Variants in FAM114A1 observed in about 807,000 individuals in gnomAD.
FAM114A1 encodes family with sequence similarity 114 member A1, also known as protein NOXP20.
A neutral mutation model predicts 64.3 loss-of-function variants in FAM114A1; 62 were observed. The ratio of observed to expected loss-of-function variants is 0.96; its 90% CI spans 0.79 to 1.19. FAM114A1 has a LOEUF of 1.19. FAM114A1 is among the 50% of genes most tolerant of loss of function. The probability of loss-of-function intolerance (pLI) is 0.00; values close to 1 mark genes in which losing one functional copy is unlikely to be tolerated. For missense variants in FAM114A1, 645 were observed against 676.3 expected (o/e 0.95, Z 0.51); for synonymous variants, 254 against 251.1 (o/e 1.01, Z -0.11).
At chr4:38,923,194 G>C (rs1321936831) in intron 9 of FAM114A1, among the ~76,000 whole-genome samples, 1 of 151,096 alleles carries the variant, frequency 6.6e-6, no homozygotes, top group African/African-American at 2.4e-5. Context: ...GTGCTAAGCA[G>C]AGCCCTGATG....
At chr4:38,886,198 GTC>G (rs1349639816) in intron 3 of FAM114A1, among the ~76,000 whole-genome samples, 1 of 148,334 alleles carries the variant, frequency 6.7e-6, no homozygotes, top group African/African-American at 2.5e-5. Context: ...TTGAGACAGA[GTC>G]TCACTCTGCC....
chr4:38,871,014 A>G (rs1714009967), intron 2 of FAM114A1, among the ~76,000 whole-genome samples: 1 of 152,038 alleles, frequency 6.6e-6, no homozygotes, highest in South Asian at 2.1e-4. Context: ...GTAGAGATAA[A>G]TATGGATTAG....
chr4:38,886,638 G>A (rs1018720665), intron 3 of FAM114A1, among the ~76,000 whole-genome samples: 7 of 151,858 alleles, frequency 4.6e-5, no homozygotes, highest in Admixed American at 2.0e-4. Context: ...GTATAGAAAT[G>A]TAGCCTGGGC....
intron 4 of FAM114A1, among the ~76,000 whole-genome samples, chr4:38,905,189 G>A (rs1443461819): frequency 2.6e-5 from 4 of 152,100 alleles, no homozygotes; most frequent in Non-Finnish European, 5.9e-5. Context: ...CTGAGGTCAG[G>A]AGTTCAAGAC....
chr4:38,900,053 A>G (rs1355734928), intron 4 of FAM114A1, among the ~76,000 whole-genome samples: 2 of 152,100 alleles, frequency 1.3e-5, no homozygotes, highest in Non-Finnish European at 2.9e-5. Context: ...GGACTTGCTA[A>G]TATTATGAAA....
At chr4:38,941,076 C>T (rs201707196) in intron 14 of FAM114A1, 55 bp downstream of exon 14, 24 of 1,235,982 alleles carry the variant, frequency 1.9e-5, no homozygotes, top group Admixed American at 5.0e-5. Flanking sequence ...GTTAGAACTA[C>T]TTTTTTTTTT....
intron 2 of FAM114A1, among the ~76,000 whole-genome samples, chr4:38,875,131 T>C (rs2109529744): frequency 6.6e-6 from 1 of 152,324 alleles, no homozygotes. Flanking sequence ...TTGTTCTTTT[T>C]GCTTAGGAAT....
At position 38,932,095 on chromosome 4, in the gene FAM114A1, G is replaced by A. The variant is rs1720691448; in HGVS notation, c.1324-140G>A. The A allele has an allele frequency of 1.8e-5, 18 of 989,444 alleles. No individual in the cohort carries two copies. The East Asian group carries it at 4.8e-4, about 26-fold the overall frequency. 61.3% of individuals were successfully genotyped at this position (989,444 alleles called of 1,614,324 possible). ...ACATTACACTTAAAGTCTTAGATAT[G>A]CTTGTAATCATCAGGTTAACTATTT... is the stretch of plus-strand genomic sequence containing the variant. On this transcript the variant is annotated intron_variant, in intron 11 of 14. Coordinates refer to ENST00000358869, the MANE Select transcript of FAM114A1 (RefSeq NM_138389.4).
At chr4:38,923,713 A>G (rs1482999649) in intron 9 of FAM114A1, among the ~76,000 whole-genome samples, 2 of 152,208 alleles carry the variant, frequency 1.3e-5, no homozygotes, top group African/African-American at 4.8e-5. Flanking sequence ...CAAAGTCTGT[A>G]CCATTTTCTG....
At position 38,945,118 on chromosome 4, in the gene FAM114A1, G is replaced by A. The variant is rs895825043; in HGVS notation, c.*1561G>A. The A allele has an allele frequency of 2.4e-4, 37 of 152,134 alleles. No homozygotes were observed. Among genetic ancestry groups the A allele is most frequent in the African/African-American group, 7.7e-4 (32 of 41,422 alleles). 9.4% of individuals were successfully genotyped at this position (152,134 alleles called of 1,614,324 possible). On this transcript the variant is annotated 3_prime_UTR_variant, in exon 15 of 15. Coordinates refer to ENST00000358869, the MANE Select transcript of FAM114A1 (RefSeq NM_138389.4). ...TTTCTTACGATCACGAGCACATGGT[G>A]GCATAATTACAAAGCTTGGAAGTAT...
At chr4:38,893,415 C>G (rs1716586726) in intron 4 of FAM114A1, among the ~76,000 whole-genome samples, 1 of 152,188 alleles carries the variant, frequency 6.6e-6, no homozygotes, top group Non-Finnish European at 1.5e-5. Context: ...GCATCCAAAC[C>G]ACTCTGGTTT....
Position 38,891,739 on chromosome 4 carries a change from C to G in FAM114A1, c.349-4C>G. 6.2e-7 allele frequency: 1 copy of G among 1,600,902 alleles called. No homozygotes were observed. Among genetic ancestry groups the G allele is most frequent in the South Asian group, 1.1e-5 (1 of 89,050 alleles). ...TGACCTGTGGCTAATTTGTTTTTCT[C>G]CAGGCTGTGGATTCCCCTCCAAGTG... On this transcript the variant is annotated splice_region_variant and splice_polypyrimidine_tract_variant and intron_variant, in intron 3 of 14. Coordinates refer to ENST00000358869, the MANE Select transcript of FAM114A1 (RefSeq NM_138389.4).
At chr4:38,902,934 A>C (rs1717649077) in intron 4 of FAM114A1, among the ~76,000 whole-genome samples, 1 of 152,174 alleles carries the variant, frequency 6.6e-6, no homozygotes, top group African/African-American at 2.4e-5. Flanking sequence ...TACTCTTTAG[A>C]GTAAGGTGTG....
At chr4:38,880,345 G>A (rs1715132815) in intron 3 of FAM114A1, among the ~76,000 whole-genome samples, 2 of 152,154 alleles carry the variant, frequency 1.3e-5, no homozygotes, top group Admixed American at 1.3e-4. Context: ...CTTTGAGTAA[G>A]TGGTCTTCAG....
intron 8 of FAM114A1, among the ~76,000 whole-genome samples, chr4:38,918,050 C>G (rs1719241070): frequency 6.6e-6 from 1 of 150,868 alleles, no homozygotes; most frequent in African/African-American, 2.4e-5. Flanking sequence ...AACCCCGTCT[C>G]TACTAAAAAA....
intron 6 of FAM114A1, among the ~76,000 whole-genome samples, chr4:38,906,511 C>T (rs978108333): frequency 3.9e-5 from 6 of 152,092 alleles, no homozygotes; most frequent in Non-Finnish European, 7.4e-5. Flanking sequence ...TCATCAGGGT[C>T]AGGGAGCAAA....
At chr4:38,897,823 T>C (rs1717087631) in intron 4 of FAM114A1, among the ~76,000 whole-genome samples, 1 of 151,520 alleles carries the variant, frequency 6.6e-6, no homozygotes, top group African/African-American at 2.4e-5. Flanking sequence ...GACATGCCCC[T>C]GTAGTACCAG....
intron 1 of FAM114A1, 186 bp downstream of exon 1, chr4:38,868,020 C>T: frequency 2.4e-6 from 1 of 419,452 alleles, no homozygotes; most frequent in Non-Finnish European, 4.8e-6. Context: ...GGGTCTGGGG[C>T]GGCGCGGCCG....
chr4:38,921,067 T>A (rs940575101), intron 8 of FAM114A1, among the ~76,000 whole-genome samples: 2 of 152,240 alleles, frequency 1.3e-5, no homozygotes, highest in African/African-American at 4.8e-5. Context: ...ATTACCACAA[T>A]GAATATTAAA....
Sources: gnomAD v4.1 joint callset for allele counts (sites outside exome capture counted in the v4.1 genomes callset) on GRCh38, gnomAD v4.1.1 for gene constraint, MANE v1.5 for transcripts, NCBI Gene and HGNC (gene_info 2026-07-23, HGNC 2026-07-21) for gene names.